The following HS3ST4 variants were observed in gnomAD, a reference collection of about 807,000 sequenced individuals.
HS3ST4 encodes the protein heparan sulfate glucosamine 3-O-sulfotransferase 4.
HS3ST4 carries 17 observed loss-of-function variants against 29.2 expected under a neutral mutation model. The ratio of observed to expected loss-of-function variants is 0.58; its 90% CI spans 0.40 to 0.87. The LOEUF is 0.87. HS3ST4 is among the 40% of genes least tolerant of loss of function. HS3ST4 has a pLI of 0.00. For missense variants in HS3ST4, 627 were observed against 634.5 expected (o/e 0.99, Z 0.13); for synonymous variants, 314 against 285.7 (o/e 1.10, Z -1.00).
At chr16:25,834,214 A>G (rs1967335216) in intron 1 of HS3ST4, among the ~76,000 whole-genome samples, 2 of 152,204 alleles carry the variant, frequency 1.3e-5, no homozygotes, top group Admixed American at 1.3e-4. Context: ...GTGGCCCCTA[A>G]ACTAGCAACA....
intron 1 of HS3ST4, chr16:25,826,160 C>G (rs1308833002): frequency 6.6e-6 from 1 of 152,200 alleles, no homozygotes; most frequent in Non-Finnish European, 1.5e-5. Flanking sequence ...AAGATGATCT[C>G]CTGCCCCTGC....
In HS3ST4 at chr16:26,026,538, G is replaced by T. The variant is rs150976691; in HGVS notation, c.735-109074G>T. 8.1e-3 allele frequency among the ~76,000 whole-genome samples: 1,230 copies of T among 152,216 alleles called. 18 individuals carry two copies. Among genetic ancestry groups the T allele is most frequent in the African/African-American group, 0.028 (1,166 of 41,534 alleles). On this transcript the variant is annotated intron_variant, in intron 1 of 1. Transcript: ENST00000331351. ...AGCTTTGCCCCATAGTCATGAAACA[G>T]ATACAGCAATATTAGGCATCACCTC...
chr16:26,011,676 T>TG, intron 1 of HS3ST4, among the ~76,000 whole-genome samples: 1 of 133,370 alleles, frequency 7.5e-6, no homozygotes, highest in Non-Finnish European at 1.5e-5. Context: ...AGGTATATGT[T>TG]TGTGTGTGTG....
intron 1 of HS3ST4, among the ~76,000 whole-genome samples, chr16:26,057,581 C>T (rs575025887): frequency 3.3e-5 from 5 of 152,182 alleles, no homozygotes; most frequent in East Asian, 1.9e-4. Flanking sequence ...GGTGAAACTC[C>T]GTCTCTACTA....
At chr16:26,055,433 C>T (rs906102716) in intron 1 of HS3ST4, among the ~76,000 whole-genome samples, 10 of 152,070 alleles carry the variant, frequency 6.6e-5, no homozygotes, top group African/African-American at 2.4e-4. Context: ...AACTCTGACA[C>T]TCTTTTTGGG....
intron 1 of HS3ST4, among the ~76,000 whole-genome samples, chr16:26,132,692 T>A (rs1899436398): frequency 6.6e-6 from 1 of 152,090 alleles, no homozygotes; most frequent in African/African-American, 2.4e-5. Context: ...AGCATTGAGG[T>A]CTAAGAAGGC....
chr16:25,746,250 G>C (rs1475698328), intron 1 of HS3ST4, among the ~76,000 whole-genome samples: 1 of 152,204 alleles, frequency 6.6e-6, no homozygotes, highest in Admixed American at 6.5e-5. Context: ...GTACAAAATA[G>C]TGTTATAAGT....
At chr16:25,917,419 G>A (rs1174605468) in intron 1 of HS3ST4, among the ~76,000 whole-genome samples, 1 of 152,072 alleles carries the variant, frequency 6.6e-6, no homozygotes, top group Admixed American at 6.5e-5. Flanking sequence ...CACAACATTG[G>A]CCAGGCTGGT....
intron 1 of HS3ST4, among the ~76,000 whole-genome samples, chr16:25,957,234 T>C (rs1256335442): frequency 1.3e-5 from 2 of 152,250 alleles, no homozygotes; most frequent in African/African-American, 2.4e-5. Context: ...ACCTCCCCCA[T>C]GTTTCAGCCA....
At chr16:25,980,348 A>G (rs1968991776) in intron 1 of HS3ST4, among the ~76,000 whole-genome samples, 1 of 152,162 alleles carries the variant, frequency 6.6e-6, no homozygotes, top group Non-Finnish European at 1.5e-5. Flanking sequence ...CTTATCCTTC[A>G]GAACTCACTG....
At chr16:26,022,373 C>T (rs1381527698) in intron 1 of HS3ST4, among the ~76,000 whole-genome samples, 1 of 152,174 alleles carries the variant, frequency 6.6e-6, no homozygotes, top group Non-Finnish European at 1.5e-5. Context: ...TGTATTGGTT[C>T]ACTCTTCATC....
intron 1 of HS3ST4, among the ~76,000 whole-genome samples, chr16:25,852,755 T>A (rs1005419772): frequency 2.0e-5 from 3 of 152,070 alleles, no homozygotes; most frequent in African/African-American, 7.3e-5. Context: ...GTATTTCCCT[T>A]GATTATTTTG....
At chr16:25,855,769 G>T (rs181027769) in intron 1 of HS3ST4, among the ~76,000 whole-genome samples, 1 of 152,198 alleles carries the variant, frequency 6.6e-6, no homozygotes, top group African/African-American at 2.4e-5. Context: ...AGTCGTTTGT[G>T]GGGGCTTAGT....
At chr16:25,862,442 CTGGGTCTCCCAAAGTGT>C (rs1257763716) in intron 1 of HS3ST4, among the ~76,000 whole-genome samples, 1 of 152,196 alleles carries the variant, frequency 6.6e-6, no homozygotes, top group Non-Finnish European at 1.5e-5. Flanking sequence ...ATCCACCTGC[CTGGGTCTCCCAAAGTGT>C]TGGGATTACA....
intron 1 of HS3ST4, among the ~76,000 whole-genome samples, chr16:25,994,088 T>C (rs1044049571): frequency 2.7e-5 from 4 of 150,144 alleles, no homozygotes; most frequent in African/African-American, 9.8e-5. Context: ...CCATCCCTCA[T>C]GACCTTATCT....
At chr16:25,754,360 C>T (rs1966741803) in intron 1 of HS3ST4, among the ~76,000 whole-genome samples, 1 of 148,740 alleles carries the variant, frequency 6.7e-6, no homozygotes, top group African/African-American at 2.5e-5. Context: ...AGCCATTCAT[C>T]CACCCACCCA....
At chr16:25,899,421 C>A (rs940501153) in intron 1 of HS3ST4, among the ~76,000 whole-genome samples, 1 of 152,232 alleles carries the variant, frequency 6.6e-6, no homozygotes, top group Admixed American at 6.5e-5. Context: ...CCAGCTTTCC[C>A]TGAACCTACA....
At chr16:25,819,103 G>A (rs781289976) in intron 1 of HS3ST4, among the ~76,000 whole-genome samples, 2 of 152,100 alleles carry the variant, frequency 1.3e-5, no homozygotes, top group Admixed American at 6.5e-5. Context: ...TTTGCTGATC[G>A]GACCACCATT....
At chr16:25,919,511 AT>A (rs781514885) in intron 1 of HS3ST4, among the ~76,000 whole-genome samples, 2 of 152,168 alleles carry the variant, frequency 1.3e-5, no homozygotes, top group Non-Finnish European at 2.9e-5. Context: ...GCACTAGTTA[AT>A]TTGGGGAGTC....
Sources: gnomAD v4.1 joint callset for allele counts (sites outside exome capture counted in the v4.1 genomes callset) on GRCh38, gnomAD v4.1.1 for gene constraint, MANE v1.5 for transcripts, NCBI Gene and HGNC (gene_info 2026-07-23, HGNC 2026-07-21) for gene names.